The following TP53BP1 variants were observed in gnomAD, a reference collection of about 807,000 sequenced individuals.
The protein encoded by TP53BP1 is TP53-binding protein 1.
A neutral mutation model predicts 200.8 loss-of-function variants in TP53BP1; 61 were observed. The ratio of observed to expected loss-of-function variants is 0.30; its 90% CI spans 0.25 to 0.38. The LOEUF (loss-of-function observed/expected upper bound fraction) is 0.38, where lower values mean the gene tolerates loss of function less well. TP53BP1 is among the 10% of genes least tolerant of loss of function. TP53BP1 has a pLI of 1.00. For missense variants in TP53BP1, 2,144 were observed against 2,371.9 expected, an observed-to-expected ratio of 0.90 and a Z score of 2.00; for synonymous variants, 822 against 844.3, an observed-to-expected ratio of 0.97 and a Z score of 0.46.
In TP53BP1 at chr15:43,406,697, CAATAAT is replaced by C. The variant is rs201419832; in HGVS notation, c.*680_*685del. 377 of 433,062 alleles carry C rather than the reference CAATAAT, an allele frequency of 8.7e-4. 1 individual carries two copies. Among genetic ancestry groups the C allele is most frequent in the African/African-American group, 6.8e-3 (329 of 48,586 alleles). 26.8% of individuals were successfully genotyped at this position (433,062 alleles called of 1,614,324 possible). On this transcript the variant is annotated 3_prime_UTR_variant, in exon 28 of 28. Coordinates refer to ENST00000382044, the MANE Select transcript of TP53BP1 (RefSeq NM_001141980.3). Reference sequence around the variant, plus strand: ...AAGGAACTGCTTCCAGCTATTGTGACAATAATAATAATAATAATATTGGGTCTTTGA... The same window carrying C: ...AAGGAACTGCTTCCAGCTATTGTGACAATAATAATAATATTGGGTCTTTGA...
chr15:43,479,881 C>G lies in TP53BP1; in HGVS notation c.636G>C (p.Leu212=). 1.9e-6 allele frequency: 3 copies of G among 1,614,236 alleles called. No individual in the cohort carries two copies. The highest frequency in any genetic ancestry group is 2.5e-6 in the Non-Finnish European group (3 of 1,180,034). ...SVTTNSGYTR[L]SDVDANTAIK... is the part of the protein sequence containing the mutation. The stretch of plus-strand genomic sequence containing the variant: ...TACCAGTATTAGCATCCACATCAGA[C>G]AGCCTGGTATAACCAGAGTTGGTGG... The change falls in exon 6 of 28, where the codon CTG becomes CTC. Residue 212 remains leucine, a synonymous_variant. Coordinates refer to ENST00000382044, the MANE Select transcript of TP53BP1 (RefSeq NM_001141980.3).
At chr15:43,464,605 C>T (rs1235727239) in intron 11 of TP53BP1, among the ~76,000 whole-genome samples, 1 of 152,044 alleles carries the variant, frequency 6.6e-6, no homozygotes, top group South Asian at 2.1e-4. Context: ...TATTATTCAG[C>T]AATAAAAAGG....
chr15:43,418,718 C>T (rs1882930583), intron 21 of TP53BP1, among the ~76,000 whole-genome samples: 1 of 152,146 alleles, frequency 6.6e-6, no homozygotes, highest in Admixed American at 6.5e-5. Context: ...CTCTCACTAT[C>T]ACCAATATTA....
rs1288580133 is a variant in TP53BP1 at position 43,416,287 on chromosome 15, T to C, written c.4811A>G (p.Gln1604Arg). 1 of 1,614,124 alleles carries C rather than the reference T, an allele frequency of 6.2e-7. No individual in the cohort carries two copies. Among genetic ancestry groups the C allele is most frequent in the African/African-American group, 1.3e-5 (1 of 74,946 alleles). ...TGCTTCATAGGGGCCAAGCCCATACTGCTCTCTCAGTCTGTTTCCTTGCTC... is the reference window on the plus strand; with the variant it reads ...TGCTTCATAGGGGCCAAGCCCATACCGCTCTCTCAGTCTGTTTCCTTGCTC... ...SLEQGNRLRE[Q>R]YGLGPYEAVT... Residue 1604 changes from glutamine to arginine, a missense_variant, in exon 22 of 28, where the codon CAG becomes CGG. By Grantham distance (43) the Gln-to-Arg change is conservative (BLOSUM62 1). Around this residue, in one of 4 missense-constraint regions of TP53BP1, gnomAD observed 61 missense variants for 147.5 expected, o/e 0.41. Transcript: ENST00000382044.
chr15:43,457,941 C>T (rs181692999), intron 11 of TP53BP1, among the ~76,000 whole-genome samples: 119 of 152,008 alleles, frequency 7.8e-4, no homozygotes, highest in African/African-American at 2.8e-3. Context: ...ATGGCTTGAA[C>T]CGCGGAGGCA....
chr15:43,485,672 G>C (rs2079037773), intron 4 of TP53BP1, among the ~76,000 whole-genome samples: 2 of 150,296 alleles, frequency 1.3e-5, no homozygotes, highest in Admixed American at 1.3e-4. Context: ...GTGAAACCCT[G>C]TCTCTACTAA....
chr15:43,469,766 A>G (rs2046677409), intron 11 of TP53BP1, 92 bp downstream of exon 11: 2 of 1,056,142 alleles, frequency 1.9e-6, no homozygotes. Flanking sequence ...ATACATTTAA[A>G]ACGTGTGAAT....
At position 43,421,876 on chromosome 15, in the gene TP53BP1, C is replaced by T. The variant is rs202078168; in HGVS notation, c.4079G>A (p.Arg1360Gln). The T allele has an allele frequency of 9.3e-6, 15 of 1,614,226 alleles. No homozygotes were observed. In the East Asian group the frequency reaches 2.0e-4, roughly 22 times the overall value. ...EPADFALPSSRGGPGKLSPRK... is the reference protein window; with the variant it reads ...EPADFALPSSQGGPGKLSPRK... ...GCACCTCAGTTTTCCTGGGCCTCCT[C>T]GGGAGCTGGGTAAGGCAAAATCTGC... Residue 1360 changes from arginine (R) to glutamine (Q), a missense_variant, in exon 19 of 28, where the codon CGA becomes CAA. This residue lies in a region of TP53BP1 where 1,700 missense variants were observed against 1,710.3 expected (regional missense o/e 0.99). Coordinates refer to ENST00000382044, the MANE Select transcript of TP53BP1 (RefSeq NM_001141980.3).
chr15:43,409,373 C>G, intron 25 of TP53BP1: 1 of 571,300 alleles, frequency 1.8e-6, no homozygotes, highest in Non-Finnish European at 3.1e-6. Flanking sequence ...AAATCAGCAA[C>G]CCTAATAGGG....
intron 11 of TP53BP1, among the ~76,000 whole-genome samples, chr15:43,469,636 A>G (rs1465762806): frequency 6.6e-6 from 1 of 152,190 alleles, no homozygotes; most frequent in Non-Finnish European, 1.5e-5. Context: ...GTTTAAAGAC[A>G]TTGTAAAAAG....
At chr15:43,466,276 A>G (rs973835731) in intron 11 of TP53BP1, among the ~76,000 whole-genome samples, 5 of 152,216 alleles carry the variant, frequency 3.3e-5, no homozygotes, top group African/African-American at 1.2e-4. Context: ...AGGGTCCAAA[A>G]GAGGTTTCTC....
At chr15:43,479,834 A>C (rs978951247) in intron 6 of TP53BP1, 25 bp downstream of exon 6, 3 of 1,612,462 alleles carry the variant, frequency 1.9e-6, no homozygotes, top group Non-Finnish European at 2.5e-6. Flanking sequence ...CAACAACTCC[A>C]AATGCCAGAA....
chr15:43,486,642 G>A (rs1016065540), intron 4 of TP53BP1, among the ~76,000 whole-genome samples: 1 of 151,974 alleles, frequency 6.6e-6, no homozygotes, highest in African/African-American at 2.4e-5. Context: ...ATTTGTTTTT[G>A]AGGCAGGGTC....
chr15:43,408,670 A>G, intron 26 of TP53BP1: 1 of 528,144 alleles, frequency 1.9e-6, no homozygotes, highest in Non-Finnish European at 3.4e-6. Context: ...ACAGGTTGAG[A>G]ATATTGAACC....
intron 17 of TP53BP1, among the ~76,000 whole-genome samples, chr15:43,428,951 G>C (rs143471410): frequency 6.6e-6 from 1 of 152,178 alleles, no homozygotes; most frequent in East Asian, 1.9e-4. Context: ...TACTATACTA[G>C]ACAAATAACT....
At chr15:43,434,916 T>C (rs1483538026) in intron 16 of TP53BP1, among the ~76,000 whole-genome samples, 1 of 152,178 alleles carries the variant, frequency 6.6e-6, no homozygotes, top group Non-Finnish European at 1.5e-5. Context: ...GTTCCAGCTA[T>C]GCAATTCTAC....
At chr15:43,418,838 A>G (rs1017641362) in intron 21 of TP53BP1, among the ~76,000 whole-genome samples, 4 of 152,200 alleles carry the variant, frequency 2.6e-5, no homozygotes, top group African/African-American at 7.2e-5. Flanking sequence ...AAATATCTCA[A>G]TATCACCTAC....
chr15:43,467,164 C>A (rs1317257803), intron 11 of TP53BP1, among the ~76,000 whole-genome samples: 1 of 151,920 alleles, frequency 6.6e-6, no homozygotes, highest in Non-Finnish European at 1.5e-5. Flanking sequence ...AGCAATTCTC[C>A]AGGCAATTCT....
chr15:43,500,549 G>T (rs991294163), intron 1 of TP53BP1, among the ~76,000 whole-genome samples: 2 of 152,056 alleles, frequency 1.3e-5, no homozygotes, highest in Non-Finnish European at 2.9e-5. Context: ...GCCAGGCTTG[G>T]TGGCTCACAC....
Sources: gnomAD v4.1 joint callset for allele counts (sites outside exome capture counted in the v4.1 genomes callset) on GRCh38, gnomAD v4.1.1 for gene constraint, gnomAD v4.1.1 regional missense constraint, MANE v1.5 for transcripts, NCBI Gene and HGNC (gene_info 2026-07-23, HGNC 2026-07-21) for gene names.